KAZN: variants seen among roughly 807,000 people sequenced by gnomAD.
KAZN encodes the protein kazrin, periplakin interacting protein.
KAZN carries 40 observed loss-of-function variants against 87.4 expected under a neutral mutation model. The ratio of observed to expected loss-of-function variants is 0.46; its 90% confidence interval spans 0.36 to 0.60. The LOEUF is 0.60. Among genes scored for constraint, KAZN ranks in the 20% least tolerant of loss-of-function variants. The pLI is 0.00. For missense variants in KAZN, 898 were observed against 1,073.9 expected, an observed-to-expected ratio of 0.84 and a Z score of 2.29; for synonymous variants, 466 against 458.3, an observed-to-expected ratio of 1.02 and a Z score of -0.22.
At chr1:15,036,357 G>A (rs1390274046) in intron 3 of KAZN, among the ~76,000 whole-genome samples, 1 of 102,448 alleles carries the variant, frequency 9.8e-6, no homozygotes, top group African/African-American at 3.9e-5. Context: ...TGCCTGCTCG[G>A]CCCAGCCCTC....
chr1:14,760,347 A>G lies in KAZN; in HGVS notation c.226+161124A>G, dbSNP rs527418242. Among the ~76,000 whole-genome samples, 22 of 152,302 alleles carry G rather than the reference A, an allele frequency of 1.4e-4. No individual in the cohort carries two copies. The East Asian group carries it at 3.3e-3, about 23-fold the overall frequency. On this transcript the variant is annotated intron_variant, in intron 1 of 14. Coordinates refer to ENST00000376030, the MANE Select transcript of KAZN (RefSeq NM_201628.3). ...TCATTAACTTTTATTCAGCACTTCA[A>G]TGTGCCAGGCGTGGAATTAAATGGT...
At chr1:15,007,985 G>A (rs988043511) in intron 2 of KAZN, among the ~76,000 whole-genome samples, 6 of 152,154 alleles carry the variant, frequency 3.9e-5, no homozygotes, top group Admixed American at 6.5e-5. Flanking sequence ...GGTCAGCTGC[G>A]GAGTCTCTTG....
intron 1 of KAZN, among the ~76,000 whole-genome samples, chr1:14,948,918 A>G (rs577231387): frequency 6.6e-6 from 1 of 152,252 alleles, no homozygotes; most frequent in African/African-American, 2.4e-5. Flanking sequence ...GCACTTTGGG[A>G]GGCTGAGGCG....
intron 2 of KAZN, among the ~76,000 whole-genome samples, chr1:14,387,800 T>C (rs961768993): frequency 6.6e-6 from 1 of 152,048 alleles, no homozygotes; most frequent in Non-Finnish European, 1.5e-5. Context: ...AGGTGGAGCC[T>C]ACAGAGGCAG....
chr1:14,465,151 T>A (rs1358012935), intron 2 of KAZN, among the ~76,000 whole-genome samples: 2 of 151,748 alleles, frequency 1.3e-5, no homozygotes, highest in Non-Finnish European at 2.9e-5. Flanking sequence ...TGTAATCCCA[T>A]CACTTTGGGA....
chr1:14,869,177 C>T (rs990490387), intron 1 of KAZN, among the ~76,000 whole-genome samples: 1 of 152,206 alleles, frequency 6.6e-6, no homozygotes, highest in Non-Finnish European at 1.5e-5. Flanking sequence ...CTTCCACCAT[C>T]CCCTTCCTGC....
intron 1 of KAZN, among the ~76,000 whole-genome samples, chr1:13,933,288 T>A (rs1324984925): frequency 6.6e-6 from 1 of 151,344 alleles, no homozygotes; most frequent in African/African-American, 2.4e-5. Context: ...AGGTCAGGAG[T>A]TCGAGACCAG....
intron 1 of KAZN, among the ~76,000 whole-genome samples, chr1:14,846,770 T>C (rs193193778): frequency 6.6e-6 from 1 of 152,330 alleles, no homozygotes; most frequent in East Asian, 1.9e-4. Context: ...CCTGAGTGCC[T>C]TCTACCTGCC....
chr1:14,334,961 T>A (rs1474720911), intron 2 of KAZN, among the ~76,000 whole-genome samples: 1 of 151,018 alleles, frequency 6.6e-6, no homozygotes, highest in Non-Finnish European at 1.5e-5. Flanking sequence ...AGTGAGAGAG[T>A]GACACAGATA....
At chr1:14,307,229 A>G (rs1186738818) in intron 2 of KAZN, among the ~76,000 whole-genome samples, 1 of 152,178 alleles carries the variant, frequency 6.6e-6, no homozygotes, top group Non-Finnish European at 1.5e-5. Flanking sequence ...CCTGTCTAAG[A>G]TAACAGTCCA....
intron 2 of KAZN, among the ~76,000 whole-genome samples, chr1:14,554,689 G>A (rs989856024): frequency 1.3e-5 from 2 of 152,178 alleles, no homozygotes; most frequent in Non-Finnish European, 2.9e-5. Context: ...AGAAAGATCT[G>A]TATTGGAGTC....
chr1:14,591,418 A>AACACACACACACACAC lies in KAZN; in HGVS notation c.250-7548_250-7533dup, dbSNP rs36060158. 7.0e-3 allele frequency among the ~76,000 whole-genome samples: 1,033 copies of AACACACACACACACAC among 147,356 alleles called. 11 individuals are homozygous for AACACACACACACACAC. Among genetic ancestry groups the AACACACACACACACAC allele is most frequent in the African/African-American group, 0.025 (977 of 39,712 alleles). On this transcript the variant is annotated intron_variant, in intron 2 of 16. Coordinates refer to the KAZN transcript ENST00000636203. ...TAAGGCCCCGAACAGGGAAAGAAGA[A>AACACACACACACACAC]ACACACACACACACACACACACACA...
chr1:14,946,495 G>A (rs996541148), intron 1 of KAZN, among the ~76,000 whole-genome samples: 2 of 151,872 alleles, frequency 1.3e-5, no homozygotes, highest in African/African-American at 2.4e-5. Flanking sequence ...CTGCCACCAC[G>A]CTTGGCTAAT....
chr1:14,728,008 G>A (rs1451935063), intron 1 of KAZN, among the ~76,000 whole-genome samples: 1 of 151,826 alleles, frequency 6.6e-6, no homozygotes, highest in Non-Finnish European at 1.5e-5. Flanking sequence ...AATGCTGGCC[G>A]GGCGCGGTGC....
At chr1:14,722,998 C>T (rs1643196102) in intron 1 of KAZN, among the ~76,000 whole-genome samples, 1 of 152,032 alleles carries the variant, frequency 6.6e-6, no homozygotes, top group Non-Finnish European at 1.5e-5. Flanking sequence ...TGGTGGTGTG[C>T]ACCTGTGTTT....
At chr1:14,016,205 A>G (rs1032418861) in intron 1 of KAZN, among the ~76,000 whole-genome samples, 1 of 152,170 alleles carries the variant, frequency 6.6e-6, no homozygotes, top group African/African-American at 2.4e-5. Flanking sequence ...GTTAAATAAA[A>G]AGGACAATGT....
At chr1:14,839,923 T>G (rs1034765967) in intron 1 of KAZN, among the ~76,000 whole-genome samples, 1 of 152,140 alleles carries the variant, frequency 6.6e-6, no homozygotes, top group African/African-American at 2.4e-5. Context: ...TTGCAATAAT[T>G]CTGGGGGAGG....
At chr1:14,488,135 C>T (rs1669446773) in intron 2 of KAZN, among the ~76,000 whole-genome samples, 1 of 152,214 alleles carries the variant, frequency 6.6e-6, no homozygotes, top group South Asian at 2.1e-4. Flanking sequence ...GCAGAAGAAA[C>T]CTGTCTCCCT....
intron 1 of KAZN, among the ~76,000 whole-genome samples, chr1:14,130,824 A>G (rs1467211680): frequency 1.3e-5 from 2 of 152,136 alleles, no homozygotes; most frequent in Non-Finnish European, 2.9e-5. Context: ...GCTTTAAATA[A>G]GTATCAGTGA....
Sources: allele counts gnomAD v4.1 joint callset (sites outside exome capture counted in the v4.1 genomes callset), GRCh38; gene constraint gnomAD v4.1.1; transcripts MANE v1.5; gene names NCBI Gene and HGNC (gene_info 2026-07-23, HGNC 2026-07-21).